The following TERB1 variants were observed in gnomAD, a reference collection of about 807,000 sequenced individuals.
TERB1 encodes telomere repeat binding bouquet formation protein 1.
A neutral mutation model predicts 92.3 loss-of-function variants in TERB1; 63 were observed. That is an observed-to-expected ratio of 0.68 (90% confidence interval 0.56 to 0.84). TERB1 has a LOEUF of 0.84. Among genes scored for constraint, TERB1 ranks in the 40% least tolerant of loss-of-function variants. The pLI is 0.00. For missense variants in TERB1, 709 were observed against 843.7 expected (o/e 0.84, Z 1.98); for synonymous variants, 252 against 283.9 (o/e 0.89, Z 1.13).
At chr16:66,776,288 C>T (rs1321502334) in intron 11 of TERB1, among the ~76,000 whole-genome samples, 3 of 149,394 alleles carry the variant, frequency 2.0e-5, no homozygotes, top group African/African-American at 7.5e-5. Flanking sequence ...AAGATTGCAC[C>T]GCTGCACTCC....
At chr16:66,796,682 T>A (rs1597029160) in intron 3 of TERB1, 86 bp downstream of exon 3, 1 of 965,138 alleles carries the variant, frequency 1.0e-6, no homozygotes. Context: ...AATGATTCTT[T>A]CATTTCCTGG....
intron 11 of TERB1, among the ~76,000 whole-genome samples, 175 bp from the exon 12 acceptor site, chr16:66,775,418 G>A (rs373623170): frequency 6.6e-6 from 1 of 152,108 alleles, no homozygotes; most frequent in South Asian, 2.1e-4. Flanking sequence ...TGGATCACTT[G>A]AGGTCAGGAG....
intron 16 of TERB1, among the ~76,000 whole-genome samples, chr16:66,762,835 C>A (rs2018275375): frequency 6.6e-6 from 1 of 150,554 alleles, no homozygotes; most frequent in Admixed American, 6.6e-5. Flanking sequence ...AGGCATGCAA[C>A]ACCACACTCA....
chr16:66,774,097 G>A (rs919132645), intron 12 of TERB1, among the ~76,000 whole-genome samples: 1 of 151,052 alleles, frequency 6.6e-6, no homozygotes, highest in Admixed American at 6.6e-5. Context: ...TCGCCAGGCT[G>A]GTCTTGAACT....
At chr16:66,791,303 T>C (rs1315456777) in intron 3 of TERB1, among the ~76,000 whole-genome samples, 1 of 152,062 alleles carries the variant, frequency 6.6e-6, no homozygotes, top group African/African-American at 2.4e-5. Context: ...CTGGTTTAAA[T>C]ATCTGTCATT....
intron 18 of TERB1, among the ~76,000 whole-genome samples, chr16:66,757,408 T>C (rs2018155442): frequency 6.6e-6 from 1 of 152,210 alleles, no homozygotes; most frequent in Non-Finnish European, 1.5e-5. Context: ...TTTGAAGACA[T>C]GTTGCTGAAA....
intron 4 of TERB1, 58 bp downstream of exon 4, chr16:66,790,851 A>C (rs2018820981): frequency 7.1e-7 from 1 of 1,403,424 alleles, no homozygotes; most frequent in Admixed American, 2.1e-5. Flanking sequence ...TGCTTATTTG[A>C]TATATCAGAG....
At chr16:66,775,450 A>G (rs1457411915) in intron 11 of TERB1, among the ~76,000 whole-genome samples, 1 of 152,060 alleles carries the variant, frequency 6.6e-6, no homozygotes, top group Non-Finnish European at 1.5e-5. Flanking sequence ...CCTAGTCAAC[A>G]TGGTGAAACC....
intron 10 of TERB1, 96 bp downstream of exon 10, chr16:66,778,767 A>G (rs2018589225): frequency 1.9e-6 from 2 of 1,041,456 alleles, no homozygotes; most frequent in East Asian, 5.7e-5. Context: ...AACTTAGTCT[A>G]AACCATGTTA....
At chr16:66,779,051 A>G in intron 9 of TERB1, 36 bp from the exon 10 acceptor site, 1 of 1,393,366 alleles carries the variant, frequency 7.2e-7, no homozygotes, top group Non-Finnish European at 9.6e-7. Flanking sequence ...TTAATATTTC[A>G]AACAAGACAG....
intron 3 of TERB1, among the ~76,000 whole-genome samples, chr16:66,791,667 A>T (rs2018837169): frequency 6.6e-6 from 1 of 152,190 alleles, no homozygotes; most frequent in Non-Finnish European, 1.5e-5. Flanking sequence ...GAAGATATTA[A>T]GGGAGTACTA....
chr16:66,797,158 C>T (rs1368876742), intron 2 of TERB1, among the ~76,000 whole-genome samples: 1 of 151,472 alleles, frequency 6.6e-6, no homozygotes, highest in Non-Finnish European at 1.5e-5. Flanking sequence ...TATATGCATT[C>T]AACAAATTTT....
At chr16:66,768,659 G>A (rs758894688) in intron 14 of TERB1, among the ~76,000 whole-genome samples, 5 of 152,142 alleles carry the variant, frequency 3.3e-5, no homozygotes, top group Non-Finnish European at 7.4e-5. Flanking sequence ...TACAGAAAAA[G>A]GCAAGAACTG....
At chr16:66,784,474 T>G (rs1379630714) in intron 9 of TERB1, among the ~76,000 whole-genome samples, 30 of 151,618 alleles carry the variant, frequency 2.0e-4, no homozygotes, top group East Asian at 9.8e-4. Flanking sequence ...CGGGATTACA[T>G]GTGCACACCA....
intron 16 of TERB1, 31 bp downstream of exon 16, chr16:66,767,384 G>T: frequency 4.9e-6 from 6 of 1,219,786 alleles, no homozygotes; most frequent in Non-Finnish European, 6.9e-6. Context: ...GGCTTTGACT[G>T]TGAAACAACT....
At chr16:66,759,483 T>C (rs2018193468) in intron 16 of TERB1, among the ~76,000 whole-genome samples, 193 bp from the exon 17 acceptor site, 2 of 152,006 alleles carry the variant, frequency 1.3e-5, no homozygotes, top group Admixed American at 1.3e-4. Context: ...GAGGGAGGTA[T>C]GAACAGTTAC....
At chr16:66,775,451 T>C (rs189739728) in intron 11 of TERB1, among the ~76,000 whole-genome samples, 35 of 152,072 alleles carry the variant, frequency 2.3e-4, no homozygotes, top group Non-Finnish European at 4.3e-4. Context: ...CTAGTCAACA[T>C]GGTGAAACCC....
chr16:66,784,550 T>G (rs531570355), intron 9 of TERB1, among the ~76,000 whole-genome samples: 3 of 151,862 alleles, frequency 2.0e-5, no homozygotes, highest in Non-Finnish European at 4.4e-5. Flanking sequence ...GCCAGGCTGG[T>G]CTGGAACTCC....
chr16:66,778,907 G>T lies in TERB1; in HGVS notation c.809C>A (p.Ala270Glu). ...SHETLSSAKL[A>E]VVVTKTVDAC... ...ATCCACAGTCTTCGTCACAACCACT[G>T]CAAGTTTAGCACTGGAAAGAGTCTC... Residue 270 changes from alanine to glutamate, a missense_variant, in exon 10 of 19, where the codon GCA (alanine) becomes GAA (glutamate). Physicochemically the swap from Ala to Glu is moderately radical, Grantham distance 107. Coordinates refer to ENST00000433154, the MANE Select transcript of TERB1 (RefSeq NM_001136505.2). 1 of 1,527,228 alleles carries T rather than the reference G, an allele frequency of 6.5e-7. No individual in the cohort carries two copies. The highest frequency in any genetic ancestry group is 1.2e-5 in the South Asian group (1 of 82,144). The allele number at this position is 1,527,228 out of a possible 1,614,324, so 94.6% of individuals were successfully genotyped here.
Sources: allele counts gnomAD v4.1 joint callset (sites outside exome capture counted in the v4.1 genomes callset), GRCh38; gene constraint gnomAD v4.1.1; transcripts MANE v1.5; gene names NCBI Gene and HGNC (gene_info 2026-07-23, HGNC 2026-07-21).